CALN1: variants seen among roughly 807,000 people sequenced by gnomAD.
The protein encoded by CALN1 is calneuron 1, also known as calcium-binding protein 8.
In CALN1, 17 loss-of-function variants were observed where a neutral mutation model predicts 30.6. The ratio of observed to expected loss-of-function variants is 0.56; its 90% CI spans 0.38 to 0.83. CALN1 has a LOEUF of 0.83. Among genes scored for constraint, CALN1 ranks in the 40% least tolerant of loss-of-function variants. The pLI, the probability that CALN1 is intolerant of heterozygous loss-of-function variation, is 0.00. For missense variants in CALN1, 291 were observed against 354.9 expected (o/e 0.82, Z 1.45); for synonymous variants, 156 against 131.4 (o/e 1.19, Z -1.28).
At chr7:71,869,745 T>A (rs1006984982) in intron 5 of CALN1, among the ~76,000 whole-genome samples, 2 of 152,178 alleles carry the variant, frequency 1.3e-5, no homozygotes, top group Non-Finnish European at 2.9e-5. Flanking sequence ...AGTAGTACAT[T>A]TTACACTCTA....
rs1304191403 is a variant in CALN1, at chr7:72,181,099, C to T, written c.245-74805G>A. 2.2e-3 allele frequency among the ~76,000 whole-genome samples: 72 copies of T among 32,220 alleles called. 2 individuals are homozygous for T. Among genetic ancestry groups the T allele is most frequent in the African/African-American group, 4.9e-3 (62 of 12,628 alleles). The allele number at this position is 32,220 out of a possible 152,430, so 21.1% of individuals were successfully genotyped here. On this transcript the variant is annotated intron_variant, in intron 3 of 6. Transcript: ENST00000395275. ...GGCAACAGAGCGAAACTGCATAACCCCCCCCCCCCCCAAAAAAAAAAAAAA... is the reference window on the plus strand; with the variant it reads ...GGCAACAGAGCGAAACTGCATAACCTCCCCCCCCCCCAAAAAAAAAAAAAA...
intron 2 of CALN1, among the ~76,000 whole-genome samples, chr7:72,371,698 T>C (rs1340550685): frequency 1.3e-5 from 2 of 152,216 alleles, no homozygotes; most frequent in Non-Finnish European, 2.9e-5. Context: ...TGTTATGTAT[T>C]ATGCATGCAT....
intron 5 of CALN1, among the ~76,000 whole-genome samples, chr7:71,818,031 AT>A (rs1460885501): frequency 6.6e-6 from 1 of 152,130 alleles, no homozygotes; most frequent in Non-Finnish European, 1.5e-5. Flanking sequence ...AATCCAACAA[AT>A]GGTTATTGGG....
At chr7:72,301,020 G>T (rs569107575) in intron 2 of CALN1, among the ~76,000 whole-genome samples, 1 of 152,082 alleles carries the variant, frequency 6.6e-6, no homozygotes, top group East Asian at 1.9e-4. Flanking sequence ...ATGTAAATAA[G>T]CACAGAATAT....
At chr7:72,027,389 G>C (rs1160305487) in intron 4 of CALN1, among the ~76,000 whole-genome samples, 1 of 152,146 alleles carries the variant, frequency 6.6e-6, no homozygotes, top group Non-Finnish European at 1.5e-5. Context: ...AGGCTTAGAA[G>C]CTCAAGGACA....
At chr7:72,094,881 G>A (rs542363434) in intron 4 of CALN1, among the ~76,000 whole-genome samples, 4 of 152,140 alleles carry the variant, frequency 2.6e-5, no homozygotes, top group African/African-American at 7.2e-5. Flanking sequence ...AGGGTCTTTC[G>A]CCCAACCAAA....
intron 4 of CALN1, among the ~76,000 whole-genome samples, chr7:72,046,216 G>C (rs1802461528): frequency 6.6e-6 from 1 of 151,930 alleles, no homozygotes; most frequent in Non-Finnish European, 1.5e-5. Context: ...AGAAAGCTGA[G>C]GTGGAAGCCT....
intron 3 of CALN1, among the ~76,000 whole-genome samples, chr7:72,168,380 A>C (rs1788680491): frequency 6.6e-6 from 1 of 152,232 alleles, no homozygotes; most frequent in Non-Finnish European, 1.5e-5. Context: ...TTAAAAAGTT[A>C]TTCAAGATGC....
At chr7:72,270,559 C>T (rs1914389) in intron 3 of CALN1, among the ~76,000 whole-genome samples, 48,181 of 151,922 alleles carry the variant, frequency 0.32, 9,607 homozygotes, top group Middle Eastern at 0.52. Context: ...ATTACATGAG[C>T]CCTGGAGTTC....
intron 5 of CALN1, among the ~76,000 whole-genome samples, chr7:71,901,775 A>C (rs1033053908): frequency 1.3e-5 from 2 of 152,200 alleles, no homozygotes; most frequent in Admixed American, 1.3e-4. Context: ...CTCAAGATCG[A>C]TTAAAGACTT....
chr7:72,499,911 T>C, the CALN1 span, among the ~76,000 whole-genome samples: 123 of 40,510 alleles, frequency 3.0e-3, 7 homozygotes, highest in Non-Finnish European at 4.2e-3. Context: ...CTTTCTTTCT[T>C]TCTATCTTTC....
intron 4 of CALN1, among the ~76,000 whole-genome samples, chr7:72,100,752 G>A (rs1029916538): frequency 3.4e-5 from 5 of 148,410 alleles, no homozygotes; most frequent in African/African-American, 7.4e-5. Context: ...CCTGGGAGGC[G>A]GAGCTTGCAG....
intron 3 of CALN1, among the ~76,000 whole-genome samples, chr7:72,167,157 G>A (rs192437320): frequency 6.6e-6 from 1 of 152,286 alleles, no homozygotes; most frequent in Admixed American, 6.5e-5. Context: ...TAGGTTCTAA[G>A]TAATTTACAT....
At chr7:72,421,192 G>A (rs978807782) in intron 1 of CALN1, among the ~76,000 whole-genome samples, 1 of 152,102 alleles carries the variant, frequency 6.6e-6, no homozygotes, top group Non-Finnish European at 1.5e-5. Flanking sequence ...TTCTTTAGCA[G>A]TGATTTTTGA....
At chr7:72,049,560 T>G (rs1158285720) in intron 4 of CALN1, among the ~76,000 whole-genome samples, 1 of 152,188 alleles carries the variant, frequency 6.6e-6, no homozygotes, top group Admixed American at 6.5e-5. Flanking sequence ...CAGTCTGGAG[T>G]GCAGTGGCAC....
At chr7:72,434,455 G>A (rs1249004174) in intron 1 of CALN1, among the ~76,000 whole-genome samples, 1 of 151,454 alleles carries the variant, frequency 6.6e-6, no homozygotes, top group Non-Finnish European at 1.5e-5. Flanking sequence ...CCAGGAGGCA[G>A]AGGTTGCAGT....
the CALN1 span, among the ~76,000 whole-genome samples, chr7:72,499,902 TTTCTTTCTTTC>T: frequency 7.1e-5 from 4 of 56,374 alleles, no homozygotes; most frequent in East Asian, 4.6e-4. Flanking sequence ...TCTTTCTTTC[TTTCTTTCTTTC>T]TATCTTTCTC....
At chr7:72,377,509 CA>C (rs1015668979) in intron 2 of CALN1, among the ~76,000 whole-genome samples, 3 of 148,972 alleles carry the variant, frequency 2.0e-5, no homozygotes, top group African/African-American at 7.4e-5. Context: ...GAATGCTGAA[CA>C]TTTTTTTGAC....
At chr7:72,454,464 T>G in the CALN1 span, among the ~76,000 whole-genome samples, 2 of 152,256 alleles carry the variant, frequency 1.3e-5, no homozygotes, top group African/African-American at 4.8e-5. Context: ...ATCAATAAAG[T>G]GACCAGTTTT....
Sources: gnomAD v4.1 joint callset for allele counts (sites outside exome capture counted in the v4.1 genomes callset) on GRCh38, gnomAD v4.1.1 for gene constraint, MANE v1.5 for transcripts, NCBI Gene and HGNC (gene_info 2026-07-23, HGNC 2026-07-21) for gene names.